Variants in LIMD1 observed in about 807,000 individuals in gnomAD.
LIMD1 encodes LIM domain containing 1.
A neutral mutation model predicts 58.4 loss-of-function variants in LIMD1; 23 were observed. The ratio of observed to expected loss-of-function variants is 0.39; its 90% CI spans 0.28 to 0.56. The LOEUF is 0.56. LIMD1 is among the 20% of genes least tolerant of loss of function. The pLI is 0.57. For synonymous variants in LIMD1, 334 were observed against 345.5 expected, an observed-to-expected ratio of 0.97 and a Z score of 0.37; for missense variants, 838 against 855.5, an observed-to-expected ratio of 0.98 and a Z score of 0.25.
chr3:45,622,866 C>T (rs965243991), intron 1 of LIMD1, among the ~76,000 whole-genome samples: 1 of 152,096 alleles, frequency 6.6e-6, no homozygotes, highest in Non-Finnish European at 1.5e-5. Flanking sequence ...CAGGGTTTCA[C>T]CATGTTGGCC....
In LIMD1 at chr3:45,668,398, A is replaced by G. The variant is rs757763055; in HGVS notation, c.1641+42A>G. 16 of 1,440,826 alleles carry G rather than the reference A, an allele frequency of 1.1e-5. No homozygotes were observed. The South Asian group carries it at 1.6e-4, about 15-fold the overall frequency. 89.3% of individuals were successfully genotyped at this position (1,440,826 alleles called of 1,614,324 possible). On this transcript the variant is annotated intron_variant, in intron 4 of 7. Coordinates refer to ENST00000273317, the MANE Select transcript of LIMD1 (RefSeq NM_014240.3). ...AAGAAGAGAACAGCATCTCAGGTGGAGGAGGAGGTGTTCAGAGAAAAAAGA... is the reference window on the plus strand; with the variant it reads ...AAGAAGAGAACAGCATCTCAGGTGGGGGAGGAGGTGTTCAGAGAAAAAAGA...
intron 1 of LIMD1, among the ~76,000 whole-genome samples, chr3:45,609,613 C>T (rs1701504501): frequency 6.6e-6 from 1 of 152,212 alleles, no homozygotes; most frequent in East Asian, 1.9e-4. Context: ...CGGGGTTCCA[C>T]AGCCCTCACT....
At chr3:45,597,249 A>C (rs1701367113) in intron 1 of LIMD1, among the ~76,000 whole-genome samples, 1 of 152,106 alleles carries the variant, frequency 6.6e-6, no homozygotes, top group African/African-American at 2.4e-5. Context: ...GGCCCCACCC[A>C]AGACCTACTG....
intron 2 of LIMD1, among the ~76,000 whole-genome samples, chr3:45,647,680 G>C (rs576576794): frequency 7.2e-5 from 11 of 152,188 alleles, no homozygotes; most frequent in African/African-American, 2.4e-4. Flanking sequence ...GCACAGCAGC[G>C]AGGAGGCCAC....
intron 1 of LIMD1, chr3:45,635,879 G>A (rs1406389059): frequency 2.0e-6 from 2 of 985,108 alleles, no homozygotes; most frequent in East Asian, 2.3e-4. Context: ...GGGTGAGGGA[G>A]GGAGTTGACC....
At chr3:45,664,478 G>GT (rs1179514491) in intron 2 of LIMD1, among the ~76,000 whole-genome samples, 24 of 152,272 alleles carry the variant, frequency 1.6e-4, no homozygotes, top group African/African-American at 5.8e-4. Flanking sequence ...TATACTCAGA[G>GT]TATTAAAAAG....
At chr3:45,618,914 C>T (rs1000570543) in intron 1 of LIMD1, among the ~76,000 whole-genome samples, 3 of 152,192 alleles carry the variant, frequency 2.0e-5, no homozygotes, top group Non-Finnish European at 2.9e-5. Context: ...AATTCTGGGG[C>T]TAGTGATGCT....
intron 2 of LIMD1, among the ~76,000 whole-genome samples, chr3:45,657,071 G>C (rs2125665859): frequency 6.6e-6 from 1 of 152,306 alleles, no homozygotes; most frequent in South Asian, 2.1e-4. Context: ...TTTCAGGTTA[G>C]TTGGCGTCTG....
At chr3:45,664,101 C>T (rs941853528) in intron 2 of LIMD1, among the ~76,000 whole-genome samples, 3 of 151,972 alleles carry the variant, frequency 2.0e-5, no homozygotes, top group African/African-American at 4.8e-5. Context: ...GAACTCCTGA[C>T]CTCAGGTGAT....
At chr3:45,602,043 A>C (rs1258072304) in intron 1 of LIMD1, among the ~76,000 whole-genome samples, 2 of 151,548 alleles carry the variant, frequency 1.3e-5, no homozygotes, top group African/African-American at 2.4e-5. Flanking sequence ...CCCAGGTTCA[A>C]GCCATTCTCC....
intron 1 of LIMD1, among the ~76,000 whole-genome samples, chr3:45,624,685 T>A (rs995868813): frequency 1.3e-5 from 2 of 152,138 alleles, no homozygotes; most frequent in Non-Finnish European, 2.9e-5. Flanking sequence ...ATTGCGCCAC[T>A]GCACTCCAGC....
At chr3:45,638,637 G>A (rs1701812204) in intron 2 of LIMD1, among the ~76,000 whole-genome samples, 1 of 152,158 alleles carries the variant, frequency 6.6e-6, no homozygotes, top group Admixed American at 6.5e-5. Context: ...TTTGGTAGAA[G>A]ATGTACTTTT....
chr3:45,668,817 C>A (rs1251669330), intron 4 of LIMD1, among the ~76,000 whole-genome samples: 1 of 151,740 alleles, frequency 6.6e-6, no homozygotes, highest in Non-Finnish European at 1.5e-5. Context: ...ACATTGTTGG[C>A]TTTTATTGGA....
chr3:45,599,146 G>T (rs546324901), intron 1 of LIMD1, among the ~76,000 whole-genome samples: 11 of 151,320 alleles, frequency 7.3e-5, no homozygotes, highest in South Asian at 2.1e-4. Context: ...TATTTTTATG[G>T]TTTTTTTTTA....
chr3:45,620,538 A>G (rs1261886675), intron 1 of LIMD1, among the ~76,000 whole-genome samples: 4 of 152,214 alleles, frequency 2.6e-5, no homozygotes, highest in Admixed American at 2.0e-4. Flanking sequence ...TTGTAATCCT[A>G]GCACTTGGGG....
chr3:45,666,011 GCT>G (rs1023590590), intron 3 of LIMD1, among the ~76,000 whole-genome samples: 1 of 152,142 alleles, frequency 6.6e-6, no homozygotes, highest in African/African-American at 2.4e-5. Context: ...TGGGACCTGG[GCT>G]CTCTTCTTCT....
intron 2 of LIMD1, among the ~76,000 whole-genome samples, chr3:45,659,585 ACCCCAAACATATATATATGCTAT>A (rs556359291): frequency 0.041 from 6,219 of 151,994 alleles, 138 homozygotes; most frequent in African/African-American, 0.066. Context: ...TCTCAAAAAA[ACCCCAAACATATATATATGCTAT>A]CCCCAAACAT....
intron 2 of LIMD1, among the ~76,000 whole-genome samples, chr3:45,639,141 A>G (rs1701816859): frequency 6.6e-6 from 1 of 152,158 alleles, no homozygotes; most frequent in Non-Finnish European, 1.5e-5. Context: ...CAGGGCTGGG[A>G]TTACTGGCAT....
At chr3:45,632,434 A>G (rs1701744120) in intron 1 of LIMD1, 1 of 735,324 alleles carries the variant, frequency 1.4e-6, no homozygotes, top group African/African-American at 1.9e-5. Context: ...TGCTGAGGGG[A>G]TACTAAGTGC....
Sources: gnomAD v4.1 joint callset for allele counts (sites outside exome capture counted in the v4.1 genomes callset) on GRCh38, gnomAD v4.1.1 for gene constraint, MANE v1.5 for transcripts, NCBI Gene and HGNC (gene_info 2026-07-23, HGNC 2026-07-21) for gene names.